TBC1D1: variants seen among roughly 807,000 people sequenced by gnomAD.
TBC1D1 encodes the protein TBC1 (tre-2/USP6, BUB2, cdc16) domain family, member 1.
TBC1D1 carries 89 observed loss-of-function variants against 125.6 expected under a neutral mutation model. That is an observed-to-expected ratio of 0.71 (90% CI 0.60 to 0.85). The LOEUF (loss-of-function observed/expected upper bound fraction) is 0.85. TBC1D1 is among the 40% of genes least tolerant of loss of function. TBC1D1 has a pLI of 0.00. For synonymous variants in TBC1D1, 565 were observed against 564.1 expected (o/e 1.00, Z -0.02); for missense variants, 1,377 against 1,469.2 (o/e 0.94, Z 1.03).
rs1344818622 is a variant in TBC1D1 at position 37,977,102 on chromosome 4, T to C, written c.418-37407T>C. 6.6e-6 allele frequency among the ~76,000 whole-genome samples: 1 copy of C among 152,092 alleles called. No homozygotes were observed. The highest frequency in any genetic ancestry group is 2.4e-5 in the African/African-American group (1 of 41,448). ...TTGTGCGAAACGGACCCCAGAGGCC[T>C]GGAAAGGCGCGTCCCCAGCCTCCAG... On this transcript the variant is annotated intron_variant, in intron 2 of 19. Transcript: ENST00000261439. The surrounding 1 kb of genome is among the most constrained non-coding windows in gnomAD (Gnocchi z 4.3).
chr4:38,135,692 G>T (rs1766384634), intron 19 of TBC1D1, among the ~76,000 whole-genome samples: 1 of 152,148 alleles, frequency 6.6e-6, no homozygotes, highest in African/African-American at 2.4e-5. Context: ...ACCACCCCTT[G>T]CCCAGTAGGC....
At chr4:38,044,562 T>G in intron 9 of TBC1D1, 72 bp downstream of exon 9, 1 of 1,450,656 alleles carries the variant, frequency 6.9e-7, no homozygotes. Context: ...GTTCTATGCT[T>G]TTATTCCATC....
At chr4:37,896,839 T>C (rs774871152) in intron 1 of TBC1D1, among the ~76,000 whole-genome samples, 2 of 151,880 alleles carry the variant, frequency 1.3e-5, no homozygotes, top group Non-Finnish European at 1.5e-5. Flanking sequence ...TTTATGATTC[T>C]AAGTGTATGC....
At chr4:37,980,909 T>A (rs1734209268) in intron 2 of TBC1D1, among the ~76,000 whole-genome samples, 2 of 152,316 alleles carry the variant, frequency 1.3e-5, no homozygotes, top group East Asian at 3.9e-4. Flanking sequence ...CCCTGGAGAT[T>A]TGTAAATTAA....
At chr4:38,136,257 T>C (rs1766591565) in intron 19 of TBC1D1, among the ~76,000 whole-genome samples, 1 of 152,190 alleles carries the variant, frequency 6.6e-6, no homozygotes, top group African/African-American at 2.4e-5. Context: ...TTAACTAGCA[T>C]TAATTATGTG....
intron 1 of TBC1D1, 82 bp from the exon 2 acceptor site, chr4:37,901,921 G>A: frequency 1.7e-6 from 1 of 603,396 alleles, no homozygotes; most frequent in Non-Finnish European, 2.8e-6. Context: ...AGGCTTTTGA[G>A]TTCTTCTGAA....
chr4:38,053,113 T>C, intron 11 of TBC1D1: 1 of 1,488,878 alleles, frequency 6.7e-7, no homozygotes. Context: ...TAGCATCTCC[T>C]ACCGTAATGC....
At position 38,064,112 on chromosome 4, in the gene TBC1D1, CTTTGA is replaced by C. The variant is rs771365833; in HGVS notation, c.2050+9778_2050+9782del. On this transcript the variant is annotated intron_variant, in intron 12 of 19. Coordinates refer to ENST00000261439, the MANE Select transcript of TBC1D1 (RefSeq NM_015173.4). ...ATATGTGGTCTTTTGTGTCTGGCTT[CTTTGA>C]TTTAACATGTTTTCAAAATTCATTA... Among the ~76,000 whole-genome samples, 40 of 152,282 alleles carry C rather than the reference CTTTGA, an allele frequency of 2.6e-4. No homozygotes were observed. In the Middle Eastern group the frequency reaches 0.01, roughly 39 times the overall value.
At position 37,995,910 on chromosome 4, in the gene TBC1D1, A is replaced by C. The variant is rs1239241843; in HGVS notation, c.418-18599A>C. The C allele has an allele frequency of 8.6e-6, 5 of 580,806 alleles. No individual in the cohort carries two copies. The highest frequency in any genetic ancestry group is 1.7e-5 in the Non-Finnish European group (5 of 295,286). 36.0% of individuals were successfully genotyped at this position (580,806 alleles called of 1,614,324 possible). ...TGGCTTAACCATGGCAAGCAGCGAC[A>C]GGACCTTCTCATTCCCAGGGAGAAA... On this transcript the variant is annotated intron_variant, in intron 2 of 19. Coordinates refer to ENST00000261439, the MANE Select transcript of TBC1D1 (RefSeq NM_015173.4). The surrounding 1 kb of genome is among the most constrained non-coding windows in gnomAD (Gnocchi z 4.3).
At chr4:38,090,326 T>C (rs1393099954) in intron 13 of TBC1D1, among the ~76,000 whole-genome samples, 1 of 152,262 alleles carries the variant, frequency 6.6e-6, no homozygotes, top group Non-Finnish European at 1.5e-5. Flanking sequence ...ATATTCATTA[T>C]TCCTCTATGG....
intron 2 of TBC1D1, among the ~76,000 whole-genome samples, chr4:37,940,788 G>T (rs528484111): frequency 1.3e-5 from 2 of 152,270 alleles, no homozygotes; most frequent in Admixed American, 1.3e-4. Context: ...TAATCATGTG[G>T]TTTTTGTCTT....
At chr4:37,983,088 C>T (rs1490296690) in intron 2 of TBC1D1, among the ~76,000 whole-genome samples, 1 of 150,088 alleles carries the variant, frequency 6.7e-6, no homozygotes, top group African/African-American at 2.5e-5. Context: ...AGTGAAGACC[C>T]ATTAGGGGCC....
At chr4:37,910,701 A>G (rs1422652817) in intron 2 of TBC1D1, among the ~76,000 whole-genome samples, 1 of 152,168 alleles carries the variant, frequency 6.6e-6, no homozygotes, top group Non-Finnish European at 1.5e-5. Context: ...GTACAAAAAA[A>G]AATAGTTAGA....
In TBC1D1 at chr4:38,103,122, T is replaced by A; in HGVS notation, c.2522T>A (p.Leu841Gln). The A allele has an allele frequency of 6.2e-7, 1 of 1,613,842 alleles. No individual in the cohort carries two copies. Among genetic ancestry groups the A allele is most frequent in the Non-Finnish European group, 8.5e-7 (1 of 1,179,930 alleles). Residue 841 changes from leucine to glutamine, a missense_variant, in exon 15 of 20, where the codon CTG (leucine) becomes CAG (glutamine). Leu to Gln is a moderately radical substitution (Grantham distance 113). Coordinates refer to ENST00000261439, the MANE Select transcript of TBC1D1 (RefSeq NM_015173.4). ...CCATACAAAGAACTCTTAAAGCAGCTGACTTCCCAGCAGCATGCGATTCTT... is the reference window on the plus strand; with the variant it reads ...CCATACAAAGAACTCTTAAAGCAGCAGACTTCCCAGCAGCATGCGATTCTT...
At chr4:38,129,160 C>T (rs6822955) in intron 18 of TBC1D1, among the ~76,000 whole-genome samples, 2,167 of 152,282 alleles carry the variant, frequency 0.014, 45 homozygotes, top group African/African-American at 0.048. Flanking sequence ...CTGAGAAACC[C>T]TGCTGTGGGC....
chr4:38,068,583 T>C (rs940415150), intron 12 of TBC1D1, among the ~76,000 whole-genome samples: 1 of 152,208 alleles, frequency 6.6e-6, no homozygotes, highest in Non-Finnish European at 1.5e-5. Context: ...GTCTTCGGGT[T>C]ATTTATCTCA....
intron 16 of TBC1D1, among the ~76,000 whole-genome samples, chr4:38,116,653 G>C (rs1325044957): frequency 6.6e-6 from 1 of 152,192 alleles, no homozygotes; most frequent in African/African-American, 2.4e-5. Flanking sequence ...ATAAGTATTT[G>C]TTGAATGAAC....
chr4:38,034,075 C>A (rs777040648), intron 7 of TBC1D1, among the ~76,000 whole-genome samples: 1 of 152,338 alleles, frequency 6.6e-6, no homozygotes, highest in South Asian at 2.1e-4. Context: ...CAAGAAACTG[C>A]TGGCCTGTTT....
intron 2 of TBC1D1, among the ~76,000 whole-genome samples, chr4:37,918,211 C>T (rs1720121614): frequency 6.6e-6 from 1 of 152,184 alleles, no homozygotes; most frequent in Admixed American, 6.5e-5. Flanking sequence ...TTTCTTTCCA[C>T]CATATTATGA....
Sources: allele counts gnomAD v4.1 joint callset (sites outside exome capture counted in the v4.1 genomes callset), GRCh38; gene constraint gnomAD v4.1.1; non-coding constraint Gnocchi (gnomAD v3.1); transcripts MANE v1.5; gene names NCBI Gene and HGNC (gene_info 2026-07-23, HGNC 2026-07-21).